Variants in DIAPH3 observed in about 807,000 individuals in gnomAD.
DIAPH3 encodes diaphanous related formin 3, also known as protein diaphanous homolog 3.
Under a neutral mutation model 144.3 loss-of-function variants are expected in DIAPH3, and 117 were observed. The observed-to-expected ratio is 0.81, with a 90% confidence interval of 0.70 to 0.95. The LOEUF (loss-of-function observed/expected upper bound fraction) is 0.95, where lower values mean the gene tolerates loss of function less well. Among genes scored for constraint, DIAPH3 ranks in the 40% least tolerant of loss-of-function variants. DIAPH3 has a pLI of 0.00. For synonymous variants in DIAPH3, 519 were observed against 488.9 expected, an observed-to-expected ratio of 1.06 and a Z score of -0.81; for missense variants, 1,421 against 1,412.7, an observed-to-expected ratio of 1.01 and a Z score of -0.09.
chr13:59,920,920 G>C (rs1464810357), intron 18 of DIAPH3, among the ~76,000 whole-genome samples: 1 of 151,658 alleles, frequency 6.6e-6, no homozygotes, highest in African/African-American at 2.4e-5. Flanking sequence ...AATAAAACTA[G>C]AAATCAGTAC....
chr13:59,694,006 T>C (rs76825045), intron 27 of DIAPH3, among the ~76,000 whole-genome samples: 1 of 152,314 alleles, frequency 6.6e-6, no homozygotes, highest in East Asian at 1.9e-4. Context: ...TTGTGATCCC[T>C]AATTGTTCTT....
chr13:59,994,362 C>T (rs896043623), intron 9 of DIAPH3, among the ~76,000 whole-genome samples: 1 of 151,844 alleles, frequency 6.6e-6, no homozygotes, highest in Non-Finnish European at 1.5e-5. Context: ...AGGTTTTATA[C>T]ATAATGAGAT....
intron 4 of DIAPH3, among the ~76,000 whole-genome samples, chr13:60,079,469 G>A (rs2057477231): frequency 6.6e-6 from 1 of 151,918 alleles, no homozygotes; most frequent in Non-Finnish European, 1.5e-5. Context: ...CAAGGTTAGG[G>A]TAAGTTGCTT....
At chr13:59,797,042 C>T (rs2039645849) in intron 25 of DIAPH3, among the ~76,000 whole-genome samples, 1 of 152,098 alleles carries the variant, frequency 6.6e-6, no homozygotes, top group Admixed American at 6.5e-5. Context: ...AACCCAACTC[C>T]TAAACCTTAG....
chr13:59,902,978 G>C (rs1302564536), intron 20 of DIAPH3, among the ~76,000 whole-genome samples: 1 of 152,180 alleles, frequency 6.6e-6, no homozygotes, highest in Non-Finnish European at 1.5e-5. Context: ...TAGAACTTGA[G>C]GGACCTTGGA....
chr13:59,929,517 C>T (rs1163723303), intron 17 of DIAPH3, among the ~76,000 whole-genome samples: 3 of 135,414 alleles, frequency 2.2e-5, no homozygotes, highest in Non-Finnish European at 4.8e-5. Context: ...TATTCATTGG[C>T]TGTTCAAATT....
intron 27 of DIAPH3, among the ~76,000 whole-genome samples, chr13:59,768,728 C>T (rs2037976379): frequency 6.6e-6 from 1 of 152,108 alleles, no homozygotes; most frequent in Admixed American, 6.6e-5. Context: ...GGCAGAGCAG[C>T]TGTGCCTGGA....
intron 22 of DIAPH3, among the ~76,000 whole-genome samples, chr13:59,845,202 C>A (rs995996364): frequency 1.3e-5 from 2 of 151,884 alleles, no homozygotes; most frequent in East Asian, 1.9e-4. Context: ...TAAACCACCA[C>A]CTGGCTTATT....
At chr13:59,995,577 A>G (rs888383576) in intron 9 of DIAPH3, among the ~76,000 whole-genome samples, 2 of 151,934 alleles carry the variant, frequency 1.3e-5, no homozygotes, top group Non-Finnish European at 2.9e-5. Context: ...TGCTAGACAT[A>G]CAGCTGTGAA....
chr13:59,831,711 TA>T (rs561364788), intron 24 of DIAPH3, among the ~76,000 whole-genome samples: 135 of 151,932 alleles, frequency 8.9e-4, no homozygotes, highest in Admixed American at 1.7e-3. Flanking sequence ...CCCAGGTATA[TA>T]AAACGCCCTT....
intron 4 of DIAPH3, among the ~76,000 whole-genome samples, chr13:60,061,015 T>A (rs1594547186): frequency 6.6e-6 from 1 of 151,960 alleles, no homozygotes; most frequent in Non-Finnish European, 1.5e-5. Context: ...AGTAAGAACA[T>A]CTAAACAGTT....
intron 27 of DIAPH3, among the ~76,000 whole-genome samples, chr13:59,757,317 T>C (rs2037329564): frequency 7.6e-6 from 1 of 132,160 alleles, no homozygotes; most frequent in Non-Finnish European, 1.6e-5. Flanking sequence ...AACAGTGCTA[T>C]ATATAATGGT....
At chr13:60,150,383 T>C (rs1296714772) in intron 1 of DIAPH3, among the ~76,000 whole-genome samples, 7 of 151,540 alleles carry the variant, frequency 4.6e-5, no homozygotes, top group Admixed American at 4.6e-4. Flanking sequence ...ATAGATGAGA[T>C]AAAGAAGTGA....
At chr13:59,935,434 T>A (rs2048217194) in intron 17 of DIAPH3, among the ~76,000 whole-genome samples, 1 of 152,114 alleles carries the variant, frequency 6.6e-6, no homozygotes, top group Non-Finnish European at 1.5e-5. Context: ...AAATGGAGAA[T>A]AGGCAAACGA....
At chr13:60,029,902 T>C (rs2054661269) in intron 5 of DIAPH3, among the ~76,000 whole-genome samples, 1 of 152,140 alleles carries the variant, frequency 6.6e-6, no homozygotes, top group South Asian at 2.1e-4. Flanking sequence ...ACGAGCTTTA[T>C]GGCCATGACC....
intron 20 of DIAPH3, among the ~76,000 whole-genome samples, chr13:59,907,412 C>A (rs372600423): frequency 1.3e-5 from 2 of 152,106 alleles, no homozygotes; most frequent in African/African-American, 2.4e-5. Context: ...GATCCTTAGT[C>A]TTTTAGCATT....
At chr13:60,043,855 A>T (rs573574087) in intron 4 of DIAPH3, among the ~76,000 whole-genome samples, 1 of 152,348 alleles carries the variant, frequency 6.6e-6, no homozygotes, top group African/African-American at 2.4e-5. Flanking sequence ...TGTAGAGAAG[A>T]ATAAAAGCAG....
intron 1 of DIAPH3, among the ~76,000 whole-genome samples, chr13:60,154,934 C>T (rs964670248): frequency 1.3e-5 from 2 of 152,110 alleles, no homozygotes; most frequent in South Asian, 4.1e-4. Flanking sequence ...GCAGTTTTTT[C>T]CTGTATTATT....
chr13:59,696,749 A>G (rs1291297915), intron 27 of DIAPH3, among the ~76,000 whole-genome samples: 1 of 152,082 alleles, frequency 6.6e-6, no homozygotes, highest in Non-Finnish European at 1.5e-5. Flanking sequence ...TGAATTTTCT[A>G]TGGTGTTTTT....
Sources: gnomAD v4.1 joint callset for allele counts (sites outside exome capture counted in the v4.1 genomes callset) on GRCh38, gnomAD v4.1.1 for gene constraint, MANE v1.5 for transcripts, NCBI Gene and HGNC (gene_info 2026-07-23, HGNC 2026-07-21) for gene names.